COX7B2: variants seen among roughly 807,000 people sequenced by gnomAD.
COX7B2 encodes the protein cytochrome c oxidase subunit 7B2, also known as cytochrome c oxidase subunit 7B2, mitochondrial.
For synonymous variants in COX7B2, 37 were observed against 32.1 expected (o/e 1.15, Z -0.51); for missense variants, 109 against 95.9 (o/e 1.14, Z -0.57).
At chr4:46,881,784 T>C (rs952940912) in intron 1 of COX7B2, among the ~76,000 whole-genome samples, 2 of 152,150 alleles carry the variant, frequency 1.3e-5, no homozygotes, top group Non-Finnish European at 2.9e-5. Flanking sequence ...TTGAGTTTTC[T>C]TTAGTGATTT....
At chr4:46,796,460 G>A (rs1173433325) in intron 2 of COX7B2, among the ~76,000 whole-genome samples, 1 of 132,688 alleles carries the variant, frequency 7.5e-6, no homozygotes, top group Non-Finnish European at 1.6e-5. Context: ...TGGAGAGGAT[G>A]CGGAGAAATA....
intron 2 of COX7B2, among the ~76,000 whole-genome samples, chr4:46,795,116 T>TAGGTTGCAAAAATTTTCTCCC (rs1283887561): frequency 7.3e-6 from 1 of 137,764 alleles, no homozygotes; most frequent in Non-Finnish European, 1.5e-5. Flanking sequence ...GTCAGATGAG[T>TAGGTTGCAAAAATTTTCTCCC]AGGTTGCAAA....
intron 2 of COX7B2, among the ~76,000 whole-genome samples, chr4:46,791,142 G>A (rs1309237895): frequency 6.6e-6 from 1 of 151,768 alleles, no homozygotes; most frequent in Non-Finnish European, 1.5e-5. Context: ...GGGACTACAG[G>A]CGCCCGCCAC....
At chr4:46,810,752 T>TA (rs1199896720) in intron 2 of COX7B2, among the ~76,000 whole-genome samples, 3 of 152,168 alleles carry the variant, frequency 2.0e-5, no homozygotes, top group Admixed American at 1.3e-4. Context: ...TATATTTTCA[T>TA]ATGTATTAAT....
At chr4:46,847,436 T>C (rs1010470161) in intron 1 of COX7B2, among the ~76,000 whole-genome samples, 2 of 152,050 alleles carry the variant, frequency 1.3e-5, no homozygotes, top group Admixed American at 6.6e-5. Flanking sequence ...GCAGAAAACT[T>C]GAGTAAATTT....
chr4:46,829,893 T>C (rs1714950173), intron 2 of COX7B2, among the ~76,000 whole-genome samples: 1 of 152,192 alleles, frequency 6.6e-6, no homozygotes, highest in African/African-American at 2.4e-5. Context: ...TAAAAACTAA[T>C]GACATATCAC....
chr4:46,741,800 T>G (rs1295819101), intron 2 of COX7B2, among the ~76,000 whole-genome samples: 1 of 152,250 alleles, frequency 6.6e-6, no homozygotes, highest in Non-Finnish European at 1.5e-5. Context: ...TGACAAAATG[T>G]AGATTCCTGG....
At chr4:46,873,874 AGT>A (rs1718161676) in intron 1 of COX7B2, among the ~76,000 whole-genome samples, 2 of 152,002 alleles carry the variant, frequency 1.3e-5, no homozygotes, top group Admixed American at 6.6e-5. Flanking sequence ...CCTGTGTCCA[AGT>A]GTTTTCATTG....
chr4:46,877,863 C>A (rs1045153052), intron 1 of COX7B2, among the ~76,000 whole-genome samples: 10 of 152,058 alleles, frequency 6.6e-5, no homozygotes, highest in African/African-American at 1.9e-4. Flanking sequence ...CATAACCCTG[C>A]AATATCTCTG....
intron 2 of COX7B2, among the ~76,000 whole-genome samples, chr4:46,813,437 C>T (rs59667605): frequency 0.022 from 3,384 of 152,146 alleles, 115 homozygotes; most frequent in African/African-American, 0.077. Context: ...AAACATAGAT[C>T]ACTCAGATTA....
chr4:46,871,428 T>C (rs1035238481), intron 1 of COX7B2, among the ~76,000 whole-genome samples: 6 of 152,066 alleles, frequency 3.9e-5, no homozygotes, highest in African/African-American at 1.4e-4. Context: ...CATAGGAACT[T>C]GCAATGATTT....
intron 2 of COX7B2, among the ~76,000 whole-genome samples, chr4:46,777,481 A>T (rs1380329632): frequency 6.6e-6 from 1 of 152,104 alleles, no homozygotes; most frequent in Non-Finnish European, 1.5e-5. Context: ...ATGTAGAATT[A>T]TCCAGTGGAG....
At chr4:46,775,211 A>G (rs1218021233) in intron 2 of COX7B2, among the ~76,000 whole-genome samples, 2 of 152,134 alleles carry the variant, frequency 1.3e-5, no homozygotes, top group Admixed American at 6.6e-5. Context: ...TATGAAACAT[A>G]AGAAATATGA....
chr4:46,769,552 T>G (rs1417837475), intron 2 of COX7B2, among the ~76,000 whole-genome samples: 1 of 151,942 alleles, frequency 6.6e-6, no homozygotes, highest in Non-Finnish European at 1.5e-5. Flanking sequence ...CCGTCTCTAC[T>G]AAAAGTACAA....
rs112426772 is a variant in COX7B2, at chr4:46,859,634, T to G, written c.-104-14620A>C. On this transcript the variant is annotated intron_variant, in intron 1 of 2. Transcript: ENST00000355591. ...AATACATAACCTTGAGATCAGAGAC[T>G]GGCAGAACTTATTTTCTGGTTCGAA... Among the ~76,000 whole-genome samples, 828 of 152,314 alleles carry G rather than the reference T, an allele frequency of 5.4e-3. 7 individuals carry two copies. Among genetic ancestry groups the G allele is most frequent in the African/African-American group, 0.018 (769 of 41,586 alleles).
intron 1 of COX7B2, among the ~76,000 whole-genome samples, chr4:46,860,205 CGAGA>C (rs917028748): frequency 1.3e-5 from 2 of 152,096 alleles, no homozygotes; most frequent in African/African-American, 4.8e-5. Flanking sequence ...ATGATACAGT[CGAGA>C]GAGACAGTGA....
intron 2 of COX7B2, among the ~76,000 whole-genome samples, chr4:46,736,059 C>CA (rs1164881368): frequency 3.2e-4 from 48 of 152,312 alleles, no homozygotes; most frequent in African/African-American, 1.1e-3. Context: ...TGAAGGTTCA[C>CA]TCCTGATATT....
intron 2 of COX7B2, among the ~76,000 whole-genome samples, chr4:46,804,915 A>G (rs1294236502): frequency 6.6e-6 from 1 of 152,150 alleles, no homozygotes; most frequent in Admixed American, 6.5e-5. Flanking sequence ...GCTGCGTGGG[A>G]GCCCACAGCC....
intron 2 of COX7B2, among the ~76,000 whole-genome samples, chr4:46,744,929 A>G (rs1193577617): frequency 6.6e-6 from 1 of 151,772 alleles, no homozygotes; most frequent in Non-Finnish European, 1.5e-5. Flanking sequence ...ACGGGGTTTC[A>G]CTGTGTTGTC....
Sources: gnomAD v4.1 joint callset for allele counts (sites outside exome capture counted in the v4.1 genomes callset) on GRCh38, gnomAD v4.1.1 for gene constraint, MANE v1.5 for transcripts, NCBI Gene and HGNC (gene_info 2026-07-23, HGNC 2026-07-21) for gene names.